Variants in GINM1 observed in about 807,000 individuals in gnomAD.
GINM1 encodes glycosylated integral membrane protein 1.
A neutral mutation model predicts 37.8 loss-of-function variants in GINM1; 29 were observed. That is an observed-to-expected ratio of 0.77 (90% CI 0.57 to 1.05). The LOEUF (loss-of-function observed/expected upper bound fraction) is 1.05. GINM1 is among the 50% of genes least tolerant of loss of function. The pLI, the probability that GINM1 is intolerant of heterozygous loss-of-function variation, is 0.00. For missense variants in GINM1, 377 were observed against 397.9 expected (o/e 0.95, Z 0.45); for synonymous variants, 143 against 146.2 (o/e 0.98, Z 0.16).
At chr6:149,572,715 G>A in intron 3 of GINM1, 112 bp downstream of exon 3, 1 of 710,272 alleles carries the variant, frequency 1.4e-6, no homozygotes, top group Non-Finnish European at 2.5e-6. Context: ...AGGCTGGAGT[G>A]CAATGGTGCG....
chr6:149,568,361 C>T (rs1040795202), intron 1 of GINM1, among the ~76,000 whole-genome samples: 1 of 152,236 alleles, frequency 6.6e-6, no homozygotes, highest in African/African-American at 2.4e-5. Flanking sequence ...GTCTTCTCAA[C>T]GTCTTATTGT....
chr6:149,578,486 A>C (rs986929045), intron 3 of GINM1, among the ~76,000 whole-genome samples: 1 of 145,590 alleles, frequency 6.9e-6, no homozygotes, highest in African/African-American at 2.6e-5. Context: ...AGGTGGCACC[A>C]CTGCACTCCA....
chr6:149,569,442 G>A (rs572110698), intron 1 of GINM1, among the ~76,000 whole-genome samples: 2 of 150,816 alleles, frequency 1.3e-5, no homozygotes, highest in South Asian at 2.1e-4. Flanking sequence ...GGGTTCCAGC[G>A]ATTCTCCTGC....
At chr6:149,570,152 A>T (rs1258688086) in intron 1 of GINM1, among the ~76,000 whole-genome samples, 1 of 31,266 alleles carries the variant, frequency 3.2e-5, no homozygotes, top group African/African-American at 1.6e-4. Flanking sequence ...ATATATATAT[A>T]TATATATATA....
rs376231563 is a variant in GINM1, at chr6:149,590,864, G to A, written c.*26G>A. The A allele has an allele frequency of 1.1e-5, 12 of 1,100,214 alleles. No homozygotes were observed. Among genetic ancestry groups the A allele is most frequent in the African/African-American group, 3.1e-5 (2 of 64,072 alleles). The allele number at this position is 1,100,214 out of a possible 1,614,324, so 68.2% of individuals were successfully genotyped here. A position where few individuals can be genotyped will look rare whatever the true frequency, so the allele number is the denominator to read the frequency against. On this transcript the variant is annotated 3_prime_UTR_variant, in exon 8 of 8. Transcript: ENST00000367419. ...AACGCCATCTCATATCATGGACTCC[G>A]AAGTAGCCTGTTGCCTCCAAATTTG...
chr6:149,578,083 T>G (rs2115059097), intron 3 of GINM1: 1 of 152,328 alleles, frequency 6.6e-6, no homozygotes, highest in East Asian at 1.9e-4. Context: ...CTCAATGTTC[T>G]TACTGCTTGG....
chr6:149,580,822 C>T, intron 6 of GINM1, 99 bp downstream of exon 6: 2 of 1,041,842 alleles, frequency 1.9e-6, no homozygotes. Flanking sequence ...AAGAATGGAA[C>T]TGTAGAGCAT....
rs1349846296 is a variant in GINM1, at chr6:149,582,598, A to C, written c.876A>C (p.Glu292Asp). ...TILKVFFPVS[E>D]YKGILQLDKV... ...TAAAGGTGTTTTTCCCAGTTTCTGA[A>C]TACAAGTAAGTATTTCTTATTTTTG... is the stretch of plus-strand genomic sequence containing the variant. Residue 292 changes from glutamate (E) to aspartate (D), a missense_variant, in exon 7 of 8, where the codon GAA becomes GAC. Glu to Asp is a conservative substitution (Grantham distance 45). Coordinates refer to ENST00000367419, the MANE Select transcript of GINM1 (RefSeq NM_138785.5). 1.3e-6 allele frequency: 2 copies of C among 1,568,860 alleles called. No individual in the cohort carries two copies.
intron 1 of GINM1, among the ~76,000 whole-genome samples, chr6:149,571,299 C>T (rs1272980398): frequency 4.3e-5 from 6 of 140,562 alleles, no homozygotes; most frequent in South Asian, 2.2e-4. Context: ...GGCAACAGAG[C>T]GAGACTCCCT....
rs546373177 is a variant in GINM1 at position 149,580,090 on chromosome 6, A to G, written c.586+100A>G. The G allele has an allele frequency of 5.8e-4, 442 of 767,846 alleles. 6 individuals are homozygous for G. The South Asian group carries it at 7.7e-3, about 13-fold the overall frequency. 47.6% of individuals were successfully genotyped at this position (767,846 alleles called of 1,614,324 possible). On this transcript the variant is annotated intron_variant, in intron 5 of 7. Coordinates refer to ENST00000367419, the MANE Select transcript of GINM1 (RefSeq NM_138785.5). ...TTTGTTATTTTTTACACTATTTGCA[A>G]AAGTTGCTATTTATCTTTAATAGTT...
At position 149,590,694 on chromosome 6, in the gene GINM1, A is replaced by T. The variant is rs777931998; in HGVS notation, c.882-33A>T. ...AAACTACAGGCAGAGGAAACATTTA[A>T]TTTTGATAGTAATTAATCACTTTCT... On this transcript the variant is annotated intron_variant, in intron 7 of 7. Transcript: ENST00000367419. 5 of 1,118,646 alleles carry T rather than the reference A, an allele frequency of 4.5e-6. No homozygotes were observed. In the Admixed American group the frequency reaches 9.1e-5, roughly 20 times the overall value. The allele number at this position is 1,118,646 out of a possible 1,614,324, so 69.3% of individuals were successfully genotyped here. A position where few individuals can be genotyped will look rare whatever the true frequency, so the allele number is the denominator to read the frequency against.
chr6:149,582,369 C>T, intron 6 of GINM1, 71 bp from the exon 7 acceptor site: 2 of 1,315,130 alleles, frequency 1.5e-6, no homozygotes, highest in Admixed American at 4.4e-5. Context: ...AAAGCTAAAA[C>T]ATTAAAAAAT....
At chr6:149,567,091 C>T (rs1366466870) in intron 1 of GINM1, among the ~76,000 whole-genome samples, 2 of 152,156 alleles carry the variant, frequency 1.3e-5, no homozygotes, top group Non-Finnish European at 2.9e-5. Flanking sequence ...GAAGTTCTCA[C>T]GGCGGGGCGC....
Position 149,580,616 on chromosome 6 carries a change from A to T in GINM1, c.610A>T (p.Thr204Ser). The change falls in exon 6 of 8, where the codon ACT becomes TCT. Residue 204 changes from threonine to serine, a missense_variant. Physicochemically the swap from Thr to Ser is moderately conservative, Grantham distance 58. Transcript: ENST00000367419. Reference sequence around the variant, plus strand: ...AGAAAGTGTTAGTTCACTGCAAACCACTAGCCAGTATCTTATCAGGAATGT... The same window carrying T: ...AGAAAGTGTTAGTTCACTGCAAACCTCTAGCCAGTATCTTATCAGGAATGT... ...KKESVSSLQT[T>S]SQYLIRNVET... The T allele has an allele frequency of 6.2e-7, 1 of 1,613,560 alleles. No individual in the cohort carries two copies. The highest frequency in any genetic ancestry group is 8.5e-7 in the Non-Finnish European group (1 of 1,179,804).
intron 3 of GINM1, among the ~76,000 whole-genome samples, chr6:149,574,195 T>G (rs1046875323): frequency 6.6e-6 from 1 of 151,510 alleles, no homozygotes; most frequent in African/African-American, 2.4e-5. Context: ...GGATTACAGG[T>G]GCCCGCCACC....
intron 3 of GINM1, among the ~76,000 whole-genome samples, chr6:149,573,579 G>A (rs926149531): frequency 3.3e-5 from 5 of 152,064 alleles, no homozygotes; most frequent in South Asian, 4.1e-4. Flanking sequence ...AGTAGATAAC[G>A]ATGTAAGAAT....
At chr6:149,572,208 G>A in intron 1 of GINM1, 77 bp from the exon 2 acceptor site, 1 of 765,500 alleles carries the variant, frequency 1.3e-6, no homozygotes, top group Non-Finnish European at 2.2e-6. Context: ...GATACAATTG[G>A]AGGGAAAAGA....
Position 149,580,638 on chromosome 6 carries a change from A to G in GINM1, c.632A>G (p.Asn211Ser), listed in dbSNP as rs1777985704. The G allele has an allele frequency of 3.1e-6, 5 of 1,613,700 alleles. No individual in the cohort carries two copies. The highest frequency in any genetic ancestry group is 8.5e-7 in the Non-Finnish European group (1 of 1,179,734). Residue 211 changes from asparagine (N) to serine (S), a missense_variant, in exon 6 of 8, where the codon AAT becomes AGT. Transcript: ENST00000367419. ...LQTTSQYLIR[N>S]VETTVDEDVL... ...ACCACTAGCCAGTATCTTATCAGGA[A>G]TGTGGAAACCACTGTAGATGAAGAT...
chr6:149,580,642 G>A lies in GINM1; in HGVS notation c.636G>A (p.Val212=), dbSNP rs746750296. The change falls in exon 6 of 8, where the codon GTG becomes GTA. Residue 212 remains valine (V), a synonymous_variant. Transcript: ENST00000367419. ...CTAGCCAGTATCTTATCAGGAATGT[G>A]GAAACCACTGTAGATGAAGATGTTT... The part of the protein sequence containing the change: ...QTTSQYLIRN[V]ETTVDEDVLP... The A allele has an allele frequency of 6.8e-6, 11 of 1,613,722 alleles. No individual in the cohort carries two copies. Among genetic ancestry groups the A allele is most frequent in the Admixed American group, 5.0e-5 (3 of 59,996 alleles).
Sources: gnomAD v4.1 joint callset for allele counts (sites outside exome capture counted in the v4.1 genomes callset) on GRCh38, gnomAD v4.1.1 for gene constraint, MANE v1.5 for transcripts, NCBI Gene and HGNC (gene_info 2026-07-23, HGNC 2026-07-21) for gene names.